PTPRD: variants seen among roughly 807,000 people sequenced by gnomAD.
PTPRD encodes protein tyrosine phosphatase receptor type D, also known as receptor-type tyrosine-protein phosphatase delta.
PTPRD carries 34 observed loss-of-function variants against 214.5 expected under a neutral mutation model. The observed-to-expected ratio is 0.16, with a 90% CI of 0.12 to 0.21. PTPRD has a LOEUF of 0.21. Among genes scored for constraint, PTPRD ranks in the 10% least tolerant of loss-of-function variants. The pLI is 1.00. For synonymous variants in PTPRD, 1,128 were observed against 845.7 expected, an observed-to-expected ratio of 1.33 and a Z score of -5.79; for missense variants, 2,545 against 2,398.7, an observed-to-expected ratio of 1.06 and a Z score of -1.27.
intron 7 of PTPRD, among the ~76,000 whole-genome samples, chr9:9,606,523 T>C (rs563914405): frequency 1.4e-4 from 21 of 152,190 alleles, no homozygotes; most frequent in African/African-American, 4.8e-4. Context: ...TCTCCCAATA[T>C]TTGGGAAGTT....
At chr9:9,424,088 C>T (rs901547688) in intron 8 of PTPRD, among the ~76,000 whole-genome samples, 1 of 152,160 alleles carries the variant, frequency 6.6e-6, no homozygotes, top group Admixed American at 6.5e-5. Flanking sequence ...TCTTGGAAGG[C>T]TGTTGACATC....
At chr9:10,184,347 C>A (rs1266873237) in intron 3 of PTPRD, among the ~76,000 whole-genome samples, 1 of 152,090 alleles carries the variant, frequency 6.6e-6, no homozygotes, top group Non-Finnish European at 1.5e-5. Context: ...ATCACTTGAA[C>A]CCGGGAGGCA....
At chr9:10,244,442 G>C (rs1237763577) in intron 3 of PTPRD, among the ~76,000 whole-genome samples, 1 of 152,062 alleles carries the variant, frequency 6.6e-6, no homozygotes, top group South Asian at 2.1e-4. Flanking sequence ...GATATGTGTG[G>C]CATGAGGTCC....
intron 14 of PTPRD, among the ~76,000 whole-genome samples, chr9:8,580,137 C>T (rs903006321): frequency 7.9e-5 from 12 of 152,002 alleles, no homozygotes; most frequent in South Asian, 2.1e-4. Context: ...ACAGAATATA[C>T]GAAACAAATG....
intron 5 of PTPRD, among the ~76,000 whole-genome samples, chr9:9,916,703 A>T (rs184952548): frequency 1.3e-5 from 2 of 152,146 alleles, no homozygotes; most frequent in Non-Finnish European, 2.9e-5. Context: ...ACAAAGAAAC[A>T]TCAGATTTAA....
rs115305771 is a variant in PTPRD at position 9,396,577 on chromosome 9, C to T, written c.-203+872G>A. Among the ~76,000 whole-genome samples the T allele has an allele frequency of 2.0e-3, 309 of 151,980 alleles. 1 individual carries two copies. Among genetic ancestry groups the T allele is most frequent in the African/African-American group, 7.0e-3 (291 of 41,494 alleles). ...CAAAACCTATGTAAATTTTTTTACG[C>T]CTTCAAAATTGTTATCTTCCTGCCA... On this transcript the variant is annotated intron_variant, in intron 9 of 45. Transcript: ENST00000381196.
At chr9:9,940,887 C>T (rs2091272193) in intron 4 of PTPRD, among the ~76,000 whole-genome samples, 1 of 152,056 alleles carries the variant, frequency 6.6e-6, no homozygotes, top group Admixed American at 6.6e-5. Flanking sequence ...AGGCTTTCTC[C>T]AGCTTTTTAA....
rs111298992 is a variant in PTPRD, at chr9:8,466,660, C to T, written c.3505-985G>A. ...CTGTTGATGTAAGCAGCAGTCTTTT[C>T]GCCATTTTCTTGGGAAGAATTTTTA... is the stretch of plus-strand genomic sequence containing the variant. On this transcript the variant is annotated intron_variant, in intron 31 of 45. Transcript: ENST00000381196. Among the ~76,000 whole-genome samples the T allele has an allele frequency of 3.2e-3, 486 of 151,868 alleles. 5 individuals carry two copies. Among genetic ancestry groups the T allele is most frequent in the African/African-American group, 0.011 (459 of 41,484 alleles).
intron 10 of PTPRD, among the ~76,000 whole-genome samples, chr9:9,157,985 C>A (rs1569555922): frequency 6.6e-6 from 1 of 152,092 alleles, no homozygotes; most frequent in Non-Finnish European, 1.5e-5. Context: ...GTTTTCTGTT[C>A]CTGCGTGTTT....
intron 2 of PTPRD, among the ~76,000 whole-genome samples, chr9:10,343,767 A>C (rs1171907225): frequency 6.6e-6 from 1 of 152,056 alleles, no homozygotes; most frequent in South Asian, 2.1e-4. Context: ...TTGGCTGCAT[A>C]AATGTCTTCT....
chr9:9,088,640 G>C (rs1297610989), intron 10 of PTPRD, among the ~76,000 whole-genome samples: 1 of 140,804 alleles, frequency 7.1e-6, no homozygotes, highest in Non-Finnish European at 1.5e-5. Flanking sequence ...TGGTCTCAAA[G>C]GACCTTCATA....
rs1180026482 is a variant in PTPRD, at chr9:8,335,256, A to T, written c.5380-3520T>A. On this transcript the variant is annotated intron_variant, in intron 43 of 45. Coordinates refer to ENST00000381196, the MANE Select transcript of PTPRD (RefSeq NM_002839.4). The stretch of plus-strand genomic sequence containing the variant: ...CGATGCCAAAATCCTCAGTACTGGC[A>T]AACCGAATCCAGCAGCACATCAAAA... 1.3e-5 allele frequency among the ~76,000 whole-genome samples: 2 copies of T among 148,542 alleles called. 1 individual carries two copies. The highest frequency in any genetic ancestry group is 5.0e-5 in the African/African-American group (2 of 39,844).
At chr9:9,384,022 C>A (rs940633685) in intron 9 of PTPRD, among the ~76,000 whole-genome samples, 5 of 151,658 alleles carry the variant, frequency 3.3e-5, no homozygotes, top group African/African-American at 1.2e-4. Flanking sequence ...TAAGCATAAA[C>A]CTATATACGA....
chr9:9,689,344 T>C (rs1256441490), intron 7 of PTPRD, among the ~76,000 whole-genome samples: 1 of 151,920 alleles, frequency 6.6e-6, no homozygotes, highest in African/African-American at 2.4e-5. Context: ...AAATATGGAA[T>C]TAATGTCAAT....
At chr9:10,310,334 C>A (rs536293884) in intron 3 of PTPRD, among the ~76,000 whole-genome samples, 90 of 152,070 alleles carry the variant, frequency 5.9e-4, no homozygotes, top group African/African-American at 2.1e-3. Context: ...CCTTCTCTTG[C>A]CCCCTGCCAA....
intron 3 of PTPRD, among the ~76,000 whole-genome samples, chr9:10,271,271 A>G (rs2094402301): frequency 6.6e-6 from 1 of 152,182 alleles, no homozygotes; most frequent in Non-Finnish European, 1.5e-5. Context: ...TTTTTGGAAC[A>G]GAAGACAATC....
At chr9:10,355,370 T>C (rs1214342998) in intron 2 of PTPRD, among the ~76,000 whole-genome samples, 9 of 141,380 alleles carry the variant, frequency 6.4e-5, no homozygotes, top group Non-Finnish European at 1.1e-4. Flanking sequence ...ATGTGAACTG[T>C]TATATTTTTA....
chr9:9,021,752 G>A (rs537070570), intron 10 of PTPRD, among the ~76,000 whole-genome samples: 2 of 151,646 alleles, frequency 1.3e-5, no homozygotes, highest in African/African-American at 4.8e-5. Context: ...TTAATTTTTA[G>A]TAAAAAAAAG....
chr9:10,304,115 A>C (rs2095968382), intron 3 of PTPRD, among the ~76,000 whole-genome samples: 2 of 152,232 alleles, frequency 1.3e-5, no homozygotes, highest in African/African-American at 4.8e-5. Context: ...CAACATATGC[A>C]AATCAATATA....
Sources: allele counts gnomAD v4.1 joint callset (sites outside exome capture counted in the v4.1 genomes callset), GRCh38; gene constraint gnomAD v4.1.1; transcripts MANE v1.5; gene names NCBI Gene and HGNC (gene_info 2026-07-23, HGNC 2026-07-21).